R3HDM2: variants seen among roughly 807,000 people sequenced by gnomAD.
The protein encoded by R3HDM2 is R3H domain-containing protein 2.
In R3HDM2, 38 loss-of-function variants were observed where a neutral mutation model predicts 124.5. The ratio of observed to expected loss-of-function variants is 0.31; its 90% CI spans 0.24 to 0.40. The LOEUF (loss-of-function observed/expected upper bound fraction) is 0.40. R3HDM2 is among the 10% of genes least tolerant of loss of function. R3HDM2 has a pLI of 1.00. For missense variants in R3HDM2, 869 were observed against 1,236.9 expected, an observed-to-expected ratio of 0.70 and a Z score of 4.46; for synonymous variants, 391 against 448.0, an observed-to-expected ratio of 0.87 and a Z score of 1.61.
chr12:57,407,086 T>A (rs912406749), intron 1 of R3HDM2, among the ~76,000 whole-genome samples: 6 of 151,812 alleles, frequency 4.0e-5, no homozygotes, highest in Non-Finnish European at 8.8e-5. Context: ...CCATCTCTAC[T>A]AAAAACACAA....
intron 2 of R3HDM2, among the ~76,000 whole-genome samples, chr12:57,334,606 T>C (rs1000429603): frequency 2.0e-5 from 3 of 152,022 alleles, no homozygotes; most frequent in Non-Finnish European, 4.4e-5. Context: ...AAGGAGTGAA[T>C]AGCAAAGACA....
intron 2 of R3HDM2, among the ~76,000 whole-genome samples, chr12:57,330,560 G>A (rs1054796286): frequency 2.0e-5 from 3 of 149,194 alleles, no homozygotes; most frequent in African/African-American, 4.9e-5. Context: ...GGTCAGGCTG[G>A]TCTTGAACTC....
chr12:57,316,899 A>G (rs925785201), intron 2 of R3HDM2, among the ~76,000 whole-genome samples: 12 of 151,972 alleles, frequency 7.9e-5, no homozygotes, highest in African/African-American at 2.7e-4. Flanking sequence ...GGCACGTGCC[A>G]CCACGTTCAG....
At chr12:57,420,382 C>A (rs1162706454) in intron 1 of R3HDM2, among the ~76,000 whole-genome samples, 1 of 152,132 alleles carries the variant, frequency 6.6e-6, no homozygotes, top group Non-Finnish European at 1.5e-5. Flanking sequence ...ACTGAAGACA[C>A]CAATGACCTG....
chr12:57,385,416 G>C (rs2138468010), intron 2 of R3HDM2, among the ~76,000 whole-genome samples: 1 of 151,536 alleles, frequency 6.6e-6, no homozygotes, highest in African/African-American at 2.4e-5. Context: ...CTAATTTTTT[G>C]TATTTTTAGT....
chr12:57,333,432 G>C (rs1340891881), intron 2 of R3HDM2, among the ~76,000 whole-genome samples: 2 of 152,202 alleles, frequency 1.3e-5, no homozygotes, highest in Non-Finnish European at 2.9e-5. Flanking sequence ...GCTCATGCCT[G>C]TAATCCCAAC....
chr12:57,306,235 A>G (rs1186396960), intron 3 of R3HDM2, among the ~76,000 whole-genome samples: 1 of 152,212 alleles, frequency 6.6e-6, no homozygotes, highest in Non-Finnish European at 1.5e-5. Context: ...ACAATATAAC[A>G]TGCTGAGAAA....
chr12:57,356,043 C>A (rs1297608185), intron 2 of R3HDM2, among the ~76,000 whole-genome samples: 1 of 152,092 alleles, frequency 6.6e-6, no homozygotes, highest in East Asian at 1.9e-4. Flanking sequence ...CAATCTTATG[C>A]CTTTTACTGT....
At chr12:57,319,679 T>C (rs990382336) in intron 2 of R3HDM2, among the ~76,000 whole-genome samples, 2 of 152,168 alleles carry the variant, frequency 1.3e-5, no homozygotes, top group Non-Finnish European at 2.9e-5. Flanking sequence ...GCTTTAAGTC[T>C]CCTTACCATT....
intron 14 of R3HDM2, among the ~76,000 whole-genome samples, chr12:57,272,845 G>A (rs937720245): frequency 1.3e-5 from 2 of 152,166 alleles, no homozygotes; most frequent in African/African-American, 4.8e-5. Context: ...CTCTGCAGCT[G>A]TTGTGAGCAA....
At chr12:57,364,697 G>GT (rs2062386388) in intron 2 of R3HDM2, among the ~76,000 whole-genome samples, 1 of 151,796 alleles carries the variant, frequency 6.6e-6, no homozygotes, top group Non-Finnish European at 1.5e-5. Flanking sequence ...GCTCACGCCT[G>GT]TAATCCCAGC....
chr12:57,331,158 T>C (rs4760356), intron 2 of R3HDM2, among the ~76,000 whole-genome samples: 66,137 of 152,018 alleles, frequency 0.44, 15,145 homozygotes, highest in South Asian at 0.52. Flanking sequence ...CTAATTGGTC[T>C]CTTTACTTCC....
In R3HDM2 at chr12:57,258,943, C is replaced by T; in HGVS notation, c.2248G>A (p.Asp750Asn). ...QWSHCKYYSM[D>N]QRGQKPGDLY... ...TCTCCAGGCTTCTGCCCCCGCTGGT[C>T]CATGCTGTAGTATTTACAATGACTC... The change falls in exon 20 of 24, where the codon GAC becomes AAC. Residue 750 changes from aspartate (D) to asparagine (N), a missense_variant. Coordinates refer to ENST00000402412, the MANE Select transcript of R3HDM2 (RefSeq NM_001394031.1). 1 of 1,612,052 alleles carries T rather than the reference C, an allele frequency of 6.2e-7. No individual in the cohort carries two copies. Among genetic ancestry groups the T allele is most frequent in the Non-Finnish European group, 8.5e-7 (1 of 1,179,700 alleles).
Position 57,296,372 on chromosome 12 carries a change from C to A in R3HDM2, c.701+39G>T. ...TTCCTCTTCCAACCCAGCAGGTTATCCCAGGGAAGTCTTCCCAAACCATGG... is the reference window on the plus strand; with the variant it reads ...TTCCTCTTCCAACCCAGCAGGTTATACCAGGGAAGTCTTCCCAAACCATGG... On this transcript the variant is annotated intron_variant, in intron 9 of 23. Transcript: ENST00000402412. The surrounding 1 kb of genome is among the most constrained non-coding windows in gnomAD (Gnocchi z 4.5). 1 of 1,549,014 alleles carries A rather than the reference C, an allele frequency of 6.5e-7. No individual in the cohort carries two copies. The highest frequency in any genetic ancestry group is 2.0e-5 in the Admixed American group (1 of 50,962).
At chr12:57,286,958 T>C (rs1034291600) in intron 12 of R3HDM2, among the ~76,000 whole-genome samples, 5 of 152,300 alleles carry the variant, frequency 3.3e-5, no homozygotes, top group African/African-American at 1.2e-4. Flanking sequence ...TCTGCACAGT[T>C]TGATGTAGTC....
At chr12:57,307,941 G>A (rs1305097783) in intron 3 of R3HDM2, among the ~76,000 whole-genome samples, 3 of 152,046 alleles carry the variant, frequency 2.0e-5, no homozygotes, top group African/African-American at 7.2e-5. Context: ...TCCAGTAGAT[G>A]GCAGCAGCAG....
intron 14 of R3HDM2, chr12:57,272,561 G>A (rs988380534): frequency 1.4e-6 from 2 of 1,392,234 alleles, no homozygotes; most frequent in Non-Finnish European, 1.9e-6. Flanking sequence ...CTGGCTGTGG[G>A]CCAGCAGAGA....
At chr12:57,358,038 G>A (rs2061489527) in intron 2 of R3HDM2, among the ~76,000 whole-genome samples, 1 of 150,852 alleles carries the variant, frequency 6.6e-6, no homozygotes, top group East Asian at 1.9e-4. Flanking sequence ...GAGTGTAGTG[G>A]CACGATCTCG....
At chr12:57,349,434 A>C (rs1264580589) in intron 2 of R3HDM2, among the ~76,000 whole-genome samples, 1 of 150,824 alleles carries the variant, frequency 6.6e-6, no homozygotes, top group Non-Finnish European at 1.5e-5. Flanking sequence ...AAATCAAGTA[A>C]ATTTCTTACT....
Sources: allele counts gnomAD v4.1 joint callset (sites outside exome capture counted in the v4.1 genomes callset), GRCh38; gene constraint gnomAD v4.1.1; non-coding constraint Gnocchi (gnomAD v3.1); transcripts MANE v1.5; gene names NCBI Gene and HGNC (gene_info 2026-07-23, HGNC 2026-07-21).